Variants in ULK4 observed in about 807,000 individuals in gnomAD.
The protein encoded by ULK4 is unc-51 like kinase 4.
ULK4 carries 133 observed loss-of-function variants against 160.6 expected under a neutral mutation model. That is an observed-to-expected ratio of 0.83 (90% CI 0.72 to 0.96). The LOEUF is 0.96. Ranked by LOEUF, ULK4 falls within the 40% of genes least tolerant of loss-of-function variation. The pLI is 0.00. For missense variants in ULK4, 1,580 were observed against 1,499.5 expected (o/e 1.05, Z -0.89); for synonymous variants, 534 against 539.8 (o/e 0.99, Z 0.15).
At chr3:41,562,525 C>A (rs1265573083) in intron 32 of ULK4, among the ~76,000 whole-genome samples, 1 of 151,836 alleles carries the variant, frequency 6.6e-6, no homozygotes, top group Non-Finnish European at 1.5e-5. Context: ...TAAGGACTTG[C>A]TTTATGAATC....
At chr3:41,927,965 G>A (rs1699444440) in intron 5 of ULK4, among the ~76,000 whole-genome samples, 1 of 152,040 alleles carries the variant, frequency 6.6e-6, no homozygotes. Flanking sequence ...AAAATTACAA[G>A]GATATTCAGA....
intron 32 of ULK4, among the ~76,000 whole-genome samples, chr3:41,521,277 T>C (rs902998491): frequency 1.3e-5 from 2 of 152,210 alleles, no homozygotes; most frequent in African/African-American, 4.8e-5. Flanking sequence ...CCGGTCCTTC[T>C]GATAGTATGA....
chr3:41,691,088 G>A (rs916645246), intron 27 of ULK4, among the ~76,000 whole-genome samples: 6 of 151,890 alleles, frequency 4.0e-5, no homozygotes, highest in Non-Finnish European at 8.8e-5. Context: ...TAAGGAGTTA[G>A]GTGACTGGGC....
chr3:41,837,319 T>C (rs1341419752), intron 17 of ULK4, among the ~76,000 whole-genome samples: 1 of 152,224 alleles, frequency 6.6e-6, no homozygotes, highest in African/African-American at 2.4e-5. Flanking sequence ...AAATCATCAC[T>C]GCAATCAAGA....
chr3:41,770,002 T>C (rs962827048), intron 21 of ULK4, among the ~76,000 whole-genome samples: 3 of 152,190 alleles, frequency 2.0e-5, no homozygotes, highest in African/African-American at 7.2e-5. Flanking sequence ...AACAAGGTAA[T>C]GATTAAATCT....
At chr3:41,373,110 C>A (rs149292577) in intron 35 of ULK4, among the ~76,000 whole-genome samples, 4,568 of 152,084 alleles carry the variant, frequency 0.03, 258 homozygotes, top group African/African-American at 0.1. Context: ...ATATATGCAC[C>A]CAATATAGGA....
chr3:41,431,381 A>G, intron 34 of ULK4, among the ~76,000 whole-genome samples: 1 of 146,938 alleles, frequency 6.8e-6, no homozygotes. Flanking sequence ...AATAATAATA[A>G]TAATAATAAT....
intron 35 of ULK4, among the ~76,000 whole-genome samples, chr3:41,266,985 A>AGT (rs138073339): frequency 2.5e-5 from 3 of 121,932 alleles, no homozygotes; most frequent in African/African-American, 6.3e-5. Flanking sequence ...TCATGTGGCA[A>AGT]GTGTGTGTGT....
intron 25 of ULK4, among the ~76,000 whole-genome samples, chr3:41,712,372 G>T (rs62258607): frequency 6.6e-6 from 1 of 152,136 alleles, no homozygotes; most frequent in Non-Finnish European, 1.5e-5. Context: ...CCCAAGGCAG[G>T]CCAGCAGCTC....
chr3:41,386,832 A>C (rs2081823975), intron 35 of ULK4, among the ~76,000 whole-genome samples: 1 of 152,162 alleles, frequency 6.6e-6, no homozygotes. Flanking sequence ...GATGGATCTT[A>C]AGAAAGCTTT....
intron 18 of ULK4, among the ~76,000 whole-genome samples, chr3:41,831,106 C>A (rs544129881): frequency 6.6e-6 from 1 of 152,128 alleles, no homozygotes; most frequent in South Asian, 2.1e-4. Context: ...CGGCTCACTG[C>A]AGCCTCAACC....
At chr3:41,513,703 G>A (rs1668967358) in intron 32 of ULK4, among the ~76,000 whole-genome samples, 1 of 152,196 alleles carries the variant, frequency 6.6e-6, no homozygotes, top group Admixed American at 6.5e-5. Context: ...TCTAAGTAAA[G>A]TAACTCAGGA....
intron 25 of ULK4, among the ~76,000 whole-genome samples, chr3:41,713,471 G>C (rs2037169453): frequency 6.6e-6 from 1 of 152,142 alleles, no homozygotes; most frequent in African/African-American, 2.4e-5. Context: ...ACACAGTTAA[G>C]GCCAACAAAC....
At chr3:41,473,661 C>CAAAAAAAAAAAAAAAAAAAAAAAAA in intron 32 of ULK4, among the ~76,000 whole-genome samples, 1 of 25,292 alleles carries the variant, frequency 4.0e-5, no homozygotes, top group African/African-American at 1.8e-4. Flanking sequence ...GATTCTGTCT[C>CAAAAAAAAAAAAAAAAAAAAAAAAA]AAAGAAAAAA....
At chr3:41,252,675 G>C (rs2078765929) in intron 35 of ULK4, among the ~76,000 whole-genome samples, 3 of 149,626 alleles carry the variant, frequency 2.0e-5, no homozygotes, top group South Asian at 2.1e-4. Flanking sequence ...TGAGACAATA[G>C]CAATAAGTTT....
At chr3:41,546,159 GT>G (rs1319483938) in intron 32 of ULK4, among the ~76,000 whole-genome samples, 4 of 151,786 alleles carry the variant, frequency 2.6e-5, no homozygotes, top group Non-Finnish European at 5.9e-5. Flanking sequence ...CTAAGTTTTG[GT>G]TTATGCTAGT....
chr3:41,751,871 T>C lies in ULK4; in HGVS notation c.2321+2490A>G, dbSNP rs1168786611. ...AGGAAACAGCAACCAAGAAGAGCCC[T>C]GAGGTGAGTGCATAGGCTTAGTGTA... On this transcript the variant is annotated intron_variant, in intron 22 of 36. Transcript: ENST00000301831. Among the ~76,000 whole-genome samples, 6 of 152,234 alleles carry C rather than the reference T, an allele frequency of 3.9e-5. No individual in the cohort carries two copies. In the East Asian group the frequency reaches 5.8e-4, roughly 15 times the overall value.
At chr3:41,477,457 G>A (rs1040693729) in intron 32 of ULK4, among the ~76,000 whole-genome samples, 4 of 152,090 alleles carry the variant, frequency 2.6e-5, no homozygotes, top group Non-Finnish European at 4.4e-5. Context: ...CTTTCTTCTG[G>A]CTAATTTTAC....
At position 41,487,595 on chromosome 3, in the gene ULK4, C is replaced by A. The variant is rs541572182; in HGVS notation, c.3227-24342G>T. Among the ~76,000 whole-genome samples the A allele has an allele frequency of 3.3e-5, 5 of 152,102 alleles. No homozygotes were observed. The South Asian group carries it at 6.2e-4, about 19-fold the overall frequency. On this transcript the variant is annotated intron_variant, in intron 32 of 36. Transcript: ENST00000301831. ...CTTGTATAAACAGAGGTTTCAAATT[C>A]TATGAGGAATAAGTAATTATGGTAT...
Sources: gnomAD v4.1 joint callset for allele counts (sites outside exome capture counted in the v4.1 genomes callset) on GRCh38, gnomAD v4.1.1 for gene constraint, MANE v1.5 for transcripts, NCBI Gene and HGNC (gene_info 2026-07-23, HGNC 2026-07-21) for gene names.